Variants in PKD1 observed in about 807,000 individuals in gnomAD.
PKD1 encodes polycystin 1, transient receptor potential channel interacting.
PKD1 carries 81 observed loss-of-function variants against 361.7 expected under a neutral mutation model. That is an observed-to-expected ratio of 0.22 (90% CI 0.19 to 0.27). PKD1 has a LOEUF of 0.27. Ranked by LOEUF, PKD1 falls within the 10% of genes least tolerant of loss-of-function variation. The pLI, the probability that PKD1 is intolerant of heterozygous loss-of-function variation, is 1.00. For missense variants in PKD1, 6,399 were observed against 6,118.3 expected (o/e 1.05, Z -1.53); for synonymous variants, 3,615 against 2,818.3 (o/e 1.28, Z -8.95).
Position 2,106,536 on chromosome 16 carries a change from G to C in PKD1, c.7351C>G (p.Leu2451Val). The change falls in exon 18 of 46, where the codon CTG becomes GTG. Residue 2451 changes from leucine to valine, a missense_variant. By Grantham distance (32) the Leu-to-Val change is conservative. Transcript: ENST00000262304. This position sits in a 1 kb window ranked among gnomAD's most constrained non-coding sequence, Gnocchi z 6.5. ...CCCTCCTCCTCGCCAGAGCGGCCCA[G>C]CACCGTGAGCGTGAAGGTGTATCCC... ...GEGYTFTLTV[L>V]GRSGEEEGCA... The C allele has an allele frequency of 2.7e-5, 43 of 1,596,406 alleles. No individual in the cohort carries two copies. The highest frequency in any genetic ancestry group is 3.6e-5 in the Non-Finnish European group (42 of 1,179,132).
At chr16:2,105,652 C>T in intron 20 of PKD1, 178 bp from the exon 21 acceptor site, 3 of 1,466,034 alleles carry the variant, frequency 2.0e-6, no homozygotes, top group Admixed American at 2.0e-5. Context: ...ATGGGCCCTC[C>T]TGGGCGGGGG....
In PKD1 at chr16:2,100,192, A is replaced by C; in HGVS notation, c.9686T>G (p.Leu3229Arg). ...LSVETEANGG[L>R]VEKEVLAASD... ...CGCGGCCAGCACCTCCTTCTCCACC[A>C]GGCCCCCGTTGGCCTCCGTCTCCAC... Residue 3229 changes from leucine to arginine, a missense_variant, in exon 28 of 46, where the codon CTG (leucine) becomes CGG (arginine). By Grantham distance (102) the Leu-to-Arg change is moderately radical. Transcript: ENST00000262304. The surrounding 1 kb of genome is among the most constrained non-coding windows in gnomAD (Gnocchi z 4.4). The C allele has an allele frequency of 1.9e-6, 3 of 1,609,716 alleles. No individual in the cohort carries two copies. The highest frequency in any genetic ancestry group is 2.5e-6 in the Non-Finnish European group (3 of 1,178,990).
rs149605181 is a variant in PKD1 at position 2,097,490 on chromosome 16, G to A, written c.10234C>T (p.Pro3412Ser). 6.5e-4 allele frequency: 1,037 copies of A among 1,602,052 alleles called. 5 individuals carry two copies. In the African/African-American group the frequency reaches 0.012, roughly 19 times the overall value. ...CAACTGAGCGTTCCCTCGCCGGAGGGCCAGCACACCAGACTGCAGGTGGCG... is the reference window on the plus strand; with the variant it reads ...CAACTGAGCGTTCCCTCGCCGGAGGACCAGCACACCAGACTGCAGGTGGCG... ...LDDSKSLVCW[P>S]SGEGTLSWPD... The change falls in exon 33 of 46, where the codon CCC becomes TCC. Residue 3412 changes from proline to serine, a missense_variant. Pro to Ser is a moderately conservative substitution (Grantham distance 74). Coordinates refer to ENST00000262304, the MANE Select transcript of PKD1 (RefSeq NM_001009944.3).
intron 1 of PKD1, chr16:2,132,024 G>A (rs2092888007): frequency 6.6e-6 from 1 of 152,150 alleles, no homozygotes; most frequent in Non-Finnish European, 1.5e-5. Flanking sequence ...GCCAAGGCAG[G>A]CGGATCACCT....
At chr16:2,102,016 C>T (rs1413055760) in intron 26 of PKD1, 45 bp downstream of exon 26, 3 of 1,246,682 alleles carry the variant, frequency 2.4e-6, no homozygotes, top group Non-Finnish European at 2.3e-6. Context: ...ACCAGCACAG[C>T]CAGTGAGAGC....
chr16:2,121,795 AC>A (rs1462315416), intron 1 of PKD1, among the ~76,000 whole-genome samples: 2 of 151,946 alleles, frequency 1.3e-5, no homozygotes, highest in African/African-American at 4.8e-5. Flanking sequence ...GCTCCCCAGG[AC>A]CCCGAGGCCT....
Position 2,093,073 on chromosome 16 carries a change from A to G in PKD1, c.11037T>C (p.Leu3679=), listed in dbSNP as rs151204386. ...GMLRSLLVYM[L]FLLVTLLASY... ...TGGCCAGCAGGGTCACCAGCAGAAA[A>G]AGCATGTACACCAGGAGGCTCTGGT... The change falls in exon 38 of 46, where the codon CTT becomes CTC. Residue 3679 remains leucine, a synonymous_variant. Transcript: ENST00000262304. The G allele has an allele frequency of 1.4e-5, 23 of 1,612,650 alleles. No individual in the cohort carries two copies. In the African/African-American group the frequency reaches 3.1e-4, roughly 22 times the overall value.
rs2092941472 is a variant in PKD1, at chr16:2,135,617, C to T, written c.73G>A (p.Gly25Ser). 33 of 977,172 alleles carry T rather than the reference C, an allele frequency of 3.4e-5. No homozygotes were observed. Among genetic ancestry groups the T allele is most frequent in the South Asian group, 4.6e-5 (1 of 21,726 alleles). The allele number at this position is 977,172 out of a possible 1,614,324, so 60.5% of individuals were successfully genotyped here. A position where few individuals can be genotyped will look rare whatever the true frequency, so the allele number is the denominator to read the frequency against. ...CAGGGCCCGCAGCCGCGCCCGGGGC[C>T]CCCCGCCAGCGCCCCGAGCCACAGG... ...LGLWLGALAG[G>S]PGRGCGPCEP... The change falls in exon 1 of 46, where the codon GGC (glycine) becomes AGC (serine). Residue 25 changes from glycine (G) to serine (S), a missense_variant. By Grantham distance (56) the Gly-to-Ser change is moderately conservative (BLOSUM62 0). Coordinates refer to ENST00000262304, the MANE Select transcript of PKD1 (RefSeq NM_001009944.3).
intron 37 of PKD1, 154 bp downstream of exon 37, chr16:2,093,390 G>T: frequency 1.3e-6 from 1 of 778,486 alleles, no homozygotes; most frequent in Non-Finnish European, 2.1e-6. Flanking sequence ...GGGGGCGTGG[G>T]GTAGGAGGGA....
rs970840477 is a variant in PKD1 at position 2,117,009 on chromosome 16, T to A, written c.1430A>T (p.Glu477Val). ...WIGFSTVQGV[E>V]VGPAPQGEAF... ...CTCGCCCTGCGGCGCTGGGCCCACC[T>A]CCACCCCCTGCACAGTCGAGAAGCC... The change falls in exon 7 of 46, where the codon GAG (glutamate) becomes GTG (valine). Residue 477 changes from glutamate to valine, a missense_variant. Coordinates refer to ENST00000262304, the MANE Select transcript of PKD1 (RefSeq NM_001009944.3). The A allele has an allele frequency of 9.5e-6, 15 of 1,586,532 alleles. No homozygotes were observed. In the African/African-American group the frequency reaches 1.5e-4, roughly 16 times the overall value.
At chr16:2,113,907 G>A (rs1171381025) in intron 11 of PKD1, 3 of 559,880 alleles carry the variant, frequency 5.4e-6, no homozygotes, top group Non-Finnish European at 6.4e-6. Context: ...CTCGTGTGAG[G>A]TCAGGGAGCA....
intron 42 of PKD1, 96 bp downstream of exon 42, chr16:2,091,327 G>GCGCTGCGAGGGGTGAGA: frequency 1.9e-6 from 1 of 527,898 alleles, no homozygotes; most frequent in Non-Finnish European, 2.4e-6. Context: ...AGGGGGCGGG[G>GCGCTGCGAGGGGTGAGA]CGCTGCGAGG....
rs1596481794 is a variant in PKD1 at position 2,091,886 on chromosome 16, C to T, written c.11432G>A (p.Cys3811Tyr). ...GTAGCCCCCGCTGTCATACACGGCA[C>T]AGGAGCCCCAGGACCATGCCCTGCC... is the stretch of plus-strand genomic sequence containing the variant. ...DLLGAWSWGS[C>Y]AVYDSGGYVQ... Residue 3811 changes from cysteine (C) to tyrosine (Y), a missense_variant, in exon 41 of 46, where the codon TGT becomes TAT. Physicochemically the swap from Cys to Tyr is radical, Grantham distance 194 (BLOSUM62 -2). Coordinates refer to ENST00000262304, the MANE Select transcript of PKD1 (RefSeq NM_001009944.3). 1.2e-6 allele frequency: 2 copies of T among 1,611,508 alleles called. No homozygotes were observed. Among genetic ancestry groups the T allele is most frequent in the Non-Finnish European group, 8.5e-7 (1 of 1,179,586 alleles).
chr16:2,118,529 G>A lies in PKD1; in HGVS notation c.530-67C>T, dbSNP rs1429542155. On this transcript the variant is annotated intron_variant, in intron 4 of 45. Coordinates refer to ENST00000262304, the MANE Select transcript of PKD1 (RefSeq NM_001009944.3). The surrounding 1 kb of genome is among the most constrained non-coding windows in gnomAD (Gnocchi z 6.0). ...GGCTCCACCCCACGCCCCCACATCC[G>A]CCCGCCGCACTCACAGGCTCCCATG... 1.0e-5 allele frequency: 14 copies of A among 1,369,292 alleles called. No individual in the cohort carries two copies. The highest frequency in any genetic ancestry group is 5.0e-5 in the East Asian group (2 of 40,138). The allele number at this position is 1,369,292 out of a possible 1,614,324, so 84.8% of individuals were successfully genotyped here. A position where few individuals can be genotyped will look rare whatever the true frequency, so the allele number is the denominator to read the frequency against.
chr16:2,107,834 G>GGAGGC (rs1360554158), intron 16 of PKD1, 49 bp downstream of exon 16: 1 of 1,520,754 alleles, frequency 6.6e-7, no homozygotes, highest in South Asian at 1.2e-5. Context: ...AGATGACCAG[G>GGAGGC]GAGGCTGGGC....
In PKD1 at chr16:2,116,096, C is replaced by A; in HGVS notation, c.1745G>T (p.Arg582Leu). Residue 582 changes from arginine to leucine, a missense_variant, in exon 9 of 46, where the codon CGT becomes CTT. Arg to Leu is a moderately radical substitution (Grantham distance 102). Transcript: ENST00000262304. ...GGTGAGGAAGGCTTCACGGCTCAGACGCAGGCCCGGGAATACCATGACCTG... is the reference window on the plus strand; with the variant it reads ...GGTGAGGAAGGCTTCACGGCTCAGAAGCAGGCCCGGGAATACCATGACCTG... Reference protein sequence around the residue: ...PVEVMVFPGLRLSREAFLTTA... With the variant: ...PVEVMVFPGLLLSREAFLTTA... The A allele has an allele frequency of 6.5e-7, 1 of 1,546,552 alleles. No homozygotes were observed.
chr16:2,100,305 G>C lies in PKD1; in HGVS notation c.9573C>G (p.Leu3191=), dbSNP rs535771951. The part of the protein sequence containing the change: ...KIRVWHDNKG[L]SPAWFLQHVI... ...CGTGCTGCAGGAACCAGGCAGGGCT[G>C]AGCCCTGCAGAGGCGCAGGAGGGAG... The change falls in exon 28 of 46, where the codon CTC becomes CTG. Residue 3191 remains leucine, a synonymous_variant. Coordinates refer to ENST00000262304, the MANE Select transcript of PKD1 (RefSeq NM_001009944.3). This position sits in a 1 kb window ranked among gnomAD's most constrained non-coding sequence, Gnocchi z 4.4. 6.5e-5 allele frequency: 105 copies of C among 1,610,568 alleles called. No homozygotes were observed. Among genetic ancestry groups the C allele is most frequent in the Middle Eastern group, 2.3e-4 (1 of 4,430 alleles).
At chr16:2,096,906 C>G (rs1432991930) in intron 34 of PKD1, 1 of 576,594 alleles carries the variant, frequency 1.7e-6, no homozygotes, top group Non-Finnish European at 3.1e-6. Flanking sequence ...CACACAGGAG[C>G]CTTTCTGCTC....
At position 2,114,019 on chromosome 16, in the gene PKD1, G is replaced by A. The variant is rs117504604; in HGVS notation, c.2853+151C>T. ...GAATTTAAAGCCCACCAGGTAGCCC[G>A]AGGAGCCAGCCAGCAGGACCTGCCC... On this transcript the variant is annotated intron_variant, in intron 11 of 45. Coordinates refer to ENST00000262304, the MANE Select transcript of PKD1 (RefSeq NM_001009944.3). 6,268 of 687,222 alleles carry A rather than the reference G, an allele frequency of 9.1e-3. 329 individuals are homozygous for A. The East Asian group carries it at 0.12, about 13-fold the overall frequency. 42.6% of individuals were successfully genotyped at this position (687,222 alleles called of 1,614,324 possible).
Sources: gnomAD v4.1 joint callset for allele counts (sites outside exome capture counted in the v4.1 genomes callset) on GRCh38, gnomAD v4.1.1 for gene constraint, Gnocchi (gnomAD v3.1) non-coding constraint, MANE v1.5 for transcripts, NCBI Gene and HGNC (gene_info 2026-07-23, HGNC 2026-07-21) for gene names.